TNR: variants seen among roughly 807,000 people sequenced by gnomAD.
TNR encodes tenascin R, also known as tenascin-R.
Under a neutral mutation model 150.4 loss-of-function variants are expected in TNR, and 45 were observed. That is an observed-to-expected ratio of 0.30 (90% CI 0.24 to 0.38). The LOEUF (loss-of-function observed/expected upper bound fraction) is 0.38. Ranked by LOEUF, TNR falls within the 10% of genes least tolerant of loss-of-function variation. TNR has a pLI of 1.00. For synonymous variants in TNR, 687 were observed against 678.4 expected, an observed-to-expected ratio of 1.01 and a Z score of -0.20; for missense variants, 1,544 against 1,759.1, an observed-to-expected ratio of 0.88 and a Z score of 2.19.
chr1:175,379,794 G>A (rs1652589779), intron 8 of TNR, 57 bp from the exon 9 acceptor site: 3 of 1,572,596 alleles, frequency 1.9e-6, no homozygotes, highest in South Asian at 2.4e-5. Flanking sequence ...TACATTTGTG[G>A]TGCATCTTGA....
chr1:175,470,887 G>A (rs898725063), intron 2 of TNR, among the ~76,000 whole-genome samples: 29 of 152,198 alleles, frequency 1.9e-4, no homozygotes, highest in Admixed American at 1.7e-3. Context: ...ACAGGGTTGG[G>A]CATGAGGTGG....
At chr1:175,559,776 C>T (rs1194995916) in intron 1 of TNR, among the ~76,000 whole-genome samples, 1 of 152,184 alleles carries the variant, frequency 6.6e-6, no homozygotes, top group African/African-American at 2.4e-5. Flanking sequence ...ATGAATGCTG[C>T]TAGGAGCATA....
At chr1:175,653,032 C>A (rs569600305) in intron 1 of TNR, among the ~76,000 whole-genome samples, 1 of 152,168 alleles carries the variant, frequency 6.6e-6, no homozygotes, top group Non-Finnish European at 1.5e-5. Flanking sequence ...AAGTCCGACA[C>A]CATCAGGGAG....
At chr1:175,383,820 G>T (rs984161612) in intron 8 of TNR, among the ~76,000 whole-genome samples, 1 of 152,186 alleles carries the variant, frequency 6.6e-6, no homozygotes, top group Non-Finnish European at 1.5e-5. Context: ...CTGCAGTGCT[G>T]TTTGCATCTC....
chr1:175,370,338 C>CTTTTTTTTT lies in TNR; in HGVS notation c.1964-3050_1964-3042dup, dbSNP rs55795922. Among the ~76,000 whole-genome samples the CTTTTTTTTT allele has an allele frequency of 8.8e-4, 38 of 42,976 alleles. 4 individuals carry two copies. Among genetic ancestry groups the CTTTTTTTTT allele is most frequent in the African/African-American group, 2.5e-3 (30 of 11,806 alleles). The allele number at this position is 42,976 out of a possible 152,430, so 28.2% of individuals were successfully genotyped here. ...GAGAACTATTCCTGGATTTTGAGTA[C>CTTTTTTTTT]TTTTTTTTTTTTTTTTTTTTTTTTT... On this transcript the variant is annotated intron_variant, in intron 9 of 22. Transcript: ENST00000367674.
At chr1:175,618,579 C>A (rs992101161) in intron 1 of TNR, among the ~76,000 whole-genome samples, 1 of 152,156 alleles carries the variant, frequency 6.6e-6, no homozygotes, top group African/African-American at 2.4e-5. Flanking sequence ...ACCATTTGTT[C>A]CCTCTGCCCA....
intron 2 of TNR, among the ~76,000 whole-genome samples, chr1:175,414,588 G>C (rs951782496): frequency 6.6e-6 from 1 of 152,172 alleles, no homozygotes; most frequent in Non-Finnish European, 1.5e-5. Flanking sequence ...AGCACCAGAG[G>C]TGTCTCCGGG....
Position 175,403,183 on chromosome 1 carries a change from G to C in TNR, c.933C>G (p.Leu311=). Residue 311 remains leucine, a synonymous_variant, in exon 4 of 23, where the codon CTC becomes CTG. Transcript: ENST00000367674. ...CSGRGQCEEG[L]CVCEEGYQGP... Reference sequence around the variant, plus strand: ...CCTGGTAGCCCTCTTCACAGACGCAGAGCCCCTCCTCACATTGTCCTCGCC... The same window carrying C: ...CCTGGTAGCCCTCTTCACAGACGCACAGCCCCTCCTCACATTGTCCTCGCC... The C allele has an allele frequency of 6.2e-7, 1 of 1,614,050 alleles. No individual in the cohort carries two copies. Among genetic ancestry groups the C allele is most frequent in the South Asian group, 1.1e-5 (1 of 91,074 alleles).
intron 1 of TNR, among the ~76,000 whole-genome samples, chr1:175,633,331 C>T (rs567865235): frequency 2.7e-4 from 41 of 151,920 alleles, no homozygotes; most frequent in East Asian, 1.9e-3. Flanking sequence ...GCCCTTAGCA[C>T]GCAGAACTGA....
At chr1:175,467,143 C>T (rs1007147968) in intron 2 of TNR, among the ~76,000 whole-genome samples, 2 of 152,086 alleles carry the variant, frequency 1.3e-5, no homozygotes, top group Non-Finnish European at 2.9e-5. Flanking sequence ...ATGCAGAGAA[C>T]AGACCGGGAC....
In TNR at chr1:175,484,246, G is replaced by A. The variant is rs145865417; in HGVS notation, c.-64+44023C>T. Among the ~76,000 whole-genome samples the A allele has an allele frequency of 5.0e-3, 768 of 152,138 alleles. 6 individuals carry two copies. The highest frequency in any genetic ancestry group is 0.017 in the African/African-American group (718 of 41,494). On this transcript the variant is annotated intron_variant, in intron 2 of 22. Coordinates refer to ENST00000367674, the MANE Select transcript of TNR (RefSeq NM_003285.3). ...ATGAAACTCTCCATTCCAACCATCC[G>A]CAATTCCTAAATGTGTTACTTTTCC... is the stretch of plus-strand genomic sequence containing the variant.
chr1:175,368,550 T>G (rs2054105928), intron 9 of TNR, among the ~76,000 whole-genome samples: 1 of 152,256 alleles, frequency 6.6e-6, no homozygotes, highest in African/African-American at 2.4e-5. Flanking sequence ...CTTTTTGCCC[T>G]GTAAGGTGGT....
intron 1 of TNR, among the ~76,000 whole-genome samples, chr1:175,668,183 G>A (rs897053499): frequency 6.6e-6 from 1 of 152,176 alleles, no homozygotes; most frequent in Non-Finnish European, 1.5e-5. Context: ...GGCATCTCTT[G>A]TGTACCATCT....
intron 1 of TNR, among the ~76,000 whole-genome samples, chr1:175,625,409 A>C (rs368413936): frequency 1.3e-5 from 2 of 152,204 alleles, no homozygotes; most frequent in African/African-American, 4.8e-5. Flanking sequence ...GCTCGCTGGC[A>C]CTAGCTTGCA....
intron 1 of TNR, among the ~76,000 whole-genome samples, chr1:175,531,777 G>A (rs1221315394): frequency 2.0e-5 from 3 of 152,218 alleles, no homozygotes; most frequent in Non-Finnish European, 2.9e-5. Context: ...TCTAGAAAAT[G>A]TGCATTATAT....
At chr1:175,405,368 T>C (rs1167204113) in intron 3 of TNR, among the ~76,000 whole-genome samples, 1 of 152,224 alleles carries the variant, frequency 6.6e-6, no homozygotes, top group African/African-American at 2.4e-5. Flanking sequence ...GATATGGAAC[T>C]GCTTAGGTCA....
intron 1 of TNR, among the ~76,000 whole-genome samples, chr1:175,606,745 A>G (rs906579357): frequency 1.3e-5 from 2 of 152,188 alleles, no homozygotes; most frequent in East Asian, 3.9e-4. Flanking sequence ...CTCTGAGGAT[A>G]GCCCTCGACC....
At chr1:175,539,787 T>C (rs1660431704) in intron 1 of TNR, among the ~76,000 whole-genome samples, 1 of 152,232 alleles carries the variant, frequency 6.6e-6, no homozygotes, top group African/African-American at 2.4e-5. Flanking sequence ...CAACTACCAT[T>C]AGGTTTATAC....
At chr1:175,559,115 A>G (rs1271212964) in intron 1 of TNR, among the ~76,000 whole-genome samples, 1 of 152,208 alleles carries the variant, frequency 6.6e-6, no homozygotes, top group African/African-American at 2.4e-5. Flanking sequence ...AAAAAATTTC[A>G]CTATACAAAC....
Sources: allele counts gnomAD v4.1 joint callset (sites outside exome capture counted in the v4.1 genomes callset), GRCh38; gene constraint gnomAD v4.1.1; transcripts MANE v1.5; gene names NCBI Gene and HGNC (gene_info 2026-07-23, HGNC 2026-07-21).